The following ATP13A5 variants were observed in gnomAD, a reference collection of about 807,000 sequenced individuals.
The protein encoded by ATP13A5 is ATPase 13A5, also known as probable cation-transporting ATPase 13A5.
Under a neutral mutation model 150.2 loss-of-function variants are expected in ATP13A5, and 149 were observed. The ratio of observed to expected loss-of-function variants is 0.99; its 90% CI spans 0.87 to 1.14. The LOEUF is 1.14. Among genes scored for constraint, ATP13A5 ranks in the 50% most tolerant of loss-of-function variants. The probability of loss-of-function intolerance (pLI) is 0.00; values close to 1 mark genes in which losing one functional copy is unlikely to be tolerated. For synonymous variants in ATP13A5, 497 were observed against 522.2 expected (o/e 0.95, Z 0.66); for missense variants, 1,383 against 1,449.3 (o/e 0.95, Z 0.74).
intron 5 of ATP13A5, among the ~76,000 whole-genome samples, chr3:193,360,994 T>C (rs1242327479): frequency 2.6e-5 from 4 of 152,154 alleles, no homozygotes; most frequent in Admixed American, 1.3e-4. Context: ...AGATTTAAAT[T>C]TGATTATGTA....
chr3:193,320,878 G>A (rs1719245412), intron 16 of ATP13A5, among the ~76,000 whole-genome samples: 1 of 152,184 alleles, frequency 6.6e-6, no homozygotes, highest in Admixed American at 6.5e-5. Context: ...TCAAAGTCTG[G>A]CCCAGAAAGA....
At chr3:193,318,947 A>T in intron 17 of ATP13A5, 44 bp downstream of exon 17, 2 of 1,396,174 alleles carry the variant, frequency 1.4e-6, no homozygotes, top group Non-Finnish European at 1.0e-6. Flanking sequence ...CTCGCACTTC[A>T]TGGGCACAGA....
intron 21 of ATP13A5, among the ~76,000 whole-genome samples, chr3:193,310,249 T>G (rs1279565349): frequency 1.3e-5 from 2 of 152,228 alleles, no homozygotes; most frequent in Admixed American, 6.5e-5. Flanking sequence ...CGTACCACAT[T>G]TTCTTTGTCC....
chr3:193,278,339 C>T (rs1044305434), intron 28 of ATP13A5, among the ~76,000 whole-genome samples: 7 of 152,180 alleles, frequency 4.6e-5, no homozygotes, highest in African/African-American at 1.7e-4. Flanking sequence ...GAAGCCTGCT[C>T]AGATAGCTTC....
chr3:193,361,210 T>A (rs1712994570), intron 5 of ATP13A5, among the ~76,000 whole-genome samples: 1 of 152,220 alleles, frequency 6.6e-6, no homozygotes, highest in Non-Finnish European at 1.5e-5. Flanking sequence ...CTCTAAAAAC[T>A]TTTTTGTGAC....
At chr3:193,332,078 C>A (rs1015437049) in intron 11 of ATP13A5, among the ~76,000 whole-genome samples, 2 of 152,076 alleles carry the variant, frequency 1.3e-5, no homozygotes, top group African/African-American at 2.4e-5. Flanking sequence ...ATTGTAGCTC[C>A]CCTAATTCCC....
At position 193,322,541 on chromosome 3, in the gene ATP13A5, A is replaced by C. The variant is rs1159255486; in HGVS notation, c.1708T>G (p.Phe570Val). The part of the protein sequence containing the change: ...MEDCIVDSCK[F>V]GTSVSNIIKP... ...ATGATGTTTGAAACTGACGTCCCAA[A>C]TTTGCAGGAGTCTACAATGCAATCT... is the stretch of plus-strand genomic sequence containing the variant. The change falls in exon 15 of 30, where the codon TTT becomes GTT. Residue 570 changes from phenylalanine to valine, a missense_variant. By Grantham distance (50) the Phe-to-Val change is conservative. Transcript: ENST00000342358. 1 of 1,613,858 alleles carries C rather than the reference A, an allele frequency of 6.2e-7. No individual in the cohort carries two copies. Among genetic ancestry groups the C allele is most frequent in the Non-Finnish European group, 8.5e-7 (1 of 1,179,812 alleles).
chr3:193,347,338 T>C (rs1448184059), intron 7 of ATP13A5, among the ~76,000 whole-genome samples: 4 of 62,912 alleles, frequency 6.4e-5, no homozygotes, highest in Admixed American at 2.2e-4. Flanking sequence ...CCAACATACA[T>C]GTAAAAACCA....
chr3:193,305,529 G>GTAGGGC (rs779696928), intron 23 of ATP13A5, 30 bp downstream of exon 23: 23 of 1,544,306 alleles, frequency 1.5e-5, no homozygotes, highest in Non-Finnish European at 2.0e-5. Context: ...CCCATTGATT[G>GTAGGGC]TAGGGCTGGA....
chr3:193,352,384 A>G (rs1354842793), intron 6 of ATP13A5, among the ~76,000 whole-genome samples: 1 of 152,250 alleles, frequency 6.6e-6, no homozygotes, highest in Non-Finnish European at 1.5e-5. Flanking sequence ...CAAATCCAGT[A>G]GAATACTGGT....
chr3:193,327,783 T>C (rs1359259241), intron 12 of ATP13A5, among the ~76,000 whole-genome samples: 5 of 152,200 alleles, frequency 3.3e-5, no homozygotes, highest in African/African-American at 1.2e-4. Flanking sequence ...AATTACATAC[T>C]CTGGTGTCTT....
At chr3:193,295,102 C>T (rs1718113072) in intron 25 of ATP13A5, among the ~76,000 whole-genome samples, 1 of 152,072 alleles carries the variant, frequency 6.6e-6, no homozygotes, top group Admixed American at 6.6e-5. Context: ...TTGTTGATGA[C>T]TCCTAAGGGC....
intron 25 of ATP13A5, among the ~76,000 whole-genome samples, chr3:193,298,106 C>T (rs1399237844): frequency 3.9e-5 from 6 of 152,034 alleles, no homozygotes; most frequent in South Asian, 2.1e-4. Context: ...CCAGAGGTCA[C>T]GAAAACAGGC....
At chr3:193,342,289 C>T (rs1226112188) in intron 9 of ATP13A5, among the ~76,000 whole-genome samples, 9 of 152,072 alleles carry the variant, frequency 5.9e-5, no homozygotes, top group South Asian at 2.1e-4. Flanking sequence ...GGACAAATTC[C>T]CTAGGAATAC....
At chr3:193,366,527 G>T (rs1314481667) in intron 1 of ATP13A5, among the ~76,000 whole-genome samples, 2 of 151,926 alleles carry the variant, frequency 1.3e-5, no homozygotes. Flanking sequence ...TATTTCATAA[G>T]CTAAAAGATC....
In ATP13A5 at chr3:193,285,096, T is replaced by TGG; in HGVS notation, c.3042_3043dup (p.Gln1015ProfsTer9). 3.1e-6 allele frequency: 5 copies of TGG among 1,613,792 alleles called. No individual in the cohort carries two copies. Among genetic ancestry groups the TGG allele is most frequent in the Non-Finnish European group, 4.2e-6 (5 of 1,179,898 alleles). ...ACTCACATTTGTTGAAAAATTACTT[T>TGG]GGTTGGCCAGAAAACACTCACTACA... On this transcript the variant is annotated frameshift_variant, in exon 27 of 30. Transcript: ENST00000342358. LOFTEE classifies it high-confidence loss of function.
At chr3:193,359,521 G>A (rs898366312) in intron 5 of ATP13A5, among the ~76,000 whole-genome samples, 10 of 152,054 alleles carry the variant, frequency 6.6e-5, no homozygotes, top group South Asian at 4.2e-4. Flanking sequence ...TCTGTCACTC[G>A]GATTCCTTTC....
chr3:193,314,994 A>C lies in ATP13A5; in HGVS notation c.2136T>G (p.Arg712=), dbSNP rs200341123. 1 of 1,613,742 alleles carries C rather than the reference A, an allele frequency of 6.2e-7. No individual in the cohort carries two copies. The highest frequency in any genetic ancestry group is 2.2e-5 in the East Asian group (1 of 44,868). ...KLVLKELSEA[R]IRTVMITGDN... ...TACCTGTAATCATCACAGTCCTGATACGGGCCTCACTCAGTTCCTTCAAGA... is the reference window on the plus strand; with the variant it reads ...TACCTGTAATCATCACAGTCCTGATCCGGGCCTCACTCAGTTCCTTCAAGA... Residue 712 remains arginine, a synonymous_variant, in exon 18 of 30, where the codon CGT becomes CGG. Transcript: ENST00000342358.
chr3:193,336,373 G>T (rs1711861854), intron 9 of ATP13A5, among the ~76,000 whole-genome samples: 1 of 152,060 alleles, frequency 6.6e-6, no homozygotes, highest in African/African-American at 2.4e-5. Context: ...ATCTCCTAAT[G>T]CTATCCCTCC....
Sources: gnomAD v4.1 joint callset for allele counts (sites outside exome capture counted in the v4.1 genomes callset) on GRCh38, gnomAD v4.1.1 for gene constraint, MANE v1.5 for transcripts, NCBI Gene and HGNC (gene_info 2026-07-23, HGNC 2026-07-21) for gene names.